LOC400499: variants seen among roughly 807,000 people sequenced by gnomAD.
At chr16:11,415,599 G>A in the LOC400499 span, among the ~76,000 whole-genome samples, 1 of 152,158 alleles carries the variant, frequency 6.6e-6, no homozygotes, top group Non-Finnish European at 1.5e-5. Flanking sequence ...TACATGCAGG[G>A]CACAAGGAGA....
the LOC400499 span, among the ~76,000 whole-genome samples, chr16:11,516,648 C>T: frequency 6.6e-6 from 1 of 152,212 alleles, no homozygotes; most frequent in African/African-American, 2.4e-5. Flanking sequence ...GGATGTGCCA[C>T]CCCAAAATAT....
the LOC400499 span, among the ~76,000 whole-genome samples, chr16:11,516,697 G>A: frequency 4.6e-5 from 7 of 152,130 alleles, no homozygotes; most frequent in African/African-American, 9.7e-5. Context: ...GACCAGTCTC[G>A]CTCTGTTGCC....
chr16:11,504,539 G>C, the LOC400499 span, among the ~76,000 whole-genome samples: 1 of 151,676 alleles, frequency 6.6e-6, no homozygotes, highest in Non-Finnish European at 1.5e-5. Flanking sequence ...CTGAGCAACA[G>C]AGCGAGACTC....
the LOC400499 span, among the ~76,000 whole-genome samples, chr16:11,483,638 G>T: frequency 5.3e-5 from 8 of 151,812 alleles, no homozygotes; most frequent in African/African-American, 1.9e-4. Context: ...GGCCAAGGCA[G>T]GAGGATTACT....
At chr16:11,515,911 GCCTA>G in the LOC400499 span, 1 of 189,514 alleles carries the variant, frequency 5.3e-6, no homozygotes, top group Non-Finnish European at 8.7e-6. Flanking sequence ...GCCCAGCCCA[GCCTA>G]GCCCAGCACT....
chr16:11,504,407 T>C, the LOC400499 span, among the ~76,000 whole-genome samples: 2 of 151,588 alleles, frequency 1.3e-5, no homozygotes, highest in Non-Finnish European at 2.9e-5. Context: ...AATACAAAAA[T>C]TAGCCAGGCG....
chr16:11,409,222 C>T, the LOC400499 span, among the ~76,000 whole-genome samples: 1 of 151,824 alleles, frequency 6.6e-6, no homozygotes, highest in Non-Finnish European at 1.5e-5. Context: ...GATCACGCCT[C>T]TGCACTCCAG....
the LOC400499 span, chr16:11,501,999 A>T: frequency 2.5e-6 from 1 of 398,074 alleles, no homozygotes; most frequent in Non-Finnish European, 4.4e-6. Flanking sequence ...GGAACCCAGG[A>T]CAGCACGAAG....
At chr16:11,493,320 A>C in the LOC400499 span, among the ~76,000 whole-genome samples, 4 of 152,234 alleles carry the variant, frequency 2.6e-5, no homozygotes, top group African/African-American at 7.2e-5. Context: ...GTGAGTGGGC[A>C]TGCCTGTGTT....
chr16:11,392,337 C>G, the LOC400499 span: 1 of 399,038 alleles, frequency 2.5e-6, no homozygotes. Flanking sequence ...CCCAGCAGGC[C>G]CCCCTGGCAG....
chr16:11,429,254 T>G, the LOC400499 span, among the ~76,000 whole-genome samples: 2 of 152,068 alleles, frequency 1.3e-5, no homozygotes, highest in Non-Finnish European at 2.9e-5. Flanking sequence ...CTGTTTAACG[T>G]GTGTAGCAGC....
chr16:11,484,876 T>C, the LOC400499 span: 1 of 399,140 alleles, frequency 2.5e-6, no homozygotes, highest in Non-Finnish European at 4.4e-6. Context: ...CCACCTCCCT[T>C]ACCTTCTGCT....
At chr16:11,440,918 G>T in the LOC400499 span, 1 of 399,080 alleles carries the variant, frequency 2.5e-6, no homozygotes, top group Non-Finnish European at 4.4e-6. Context: ...ACCAGTGTCT[G>T]CCCAATCTGG....
chr16:11,454,313 C>T, the LOC400499 span, among the ~76,000 whole-genome samples: 7 of 152,182 alleles, frequency 4.6e-5, no homozygotes, highest in Non-Finnish European at 7.3e-5. Context: ...AACTTGTGTT[C>T]CCCCAAAAGA....
At chr16:11,390,273 AC>A in the LOC400499 span, 1 of 1,232,602 alleles carries the variant, frequency 8.1e-7, no homozygotes, top group African/African-American at 1.6e-5. Flanking sequence ...ATCCTTGCTC[AC>A]TCACCAGCTC....
the LOC400499 span, among the ~76,000 whole-genome samples, chr16:11,395,553 C>T: frequency 6.6e-6 from 1 of 152,310 alleles, no homozygotes; most frequent in African/African-American, 2.4e-5. Flanking sequence ...GCCACGGCTG[C>T]TGAACTCTCA....
At chr16:11,404,764 C>T in the LOC400499 span, 1 of 399,058 alleles carries the variant, frequency 2.5e-6, no homozygotes, top group Middle Eastern at 6.3e-4. Context: ...CCGGTGAGGG[C>T]CACCTCCTGG....
the LOC400499 span, among the ~76,000 whole-genome samples, chr16:11,420,677 G>C: frequency 7.0e-6 from 1 of 142,714 alleles, no homozygotes; most frequent in Non-Finnish European, 1.5e-5. Flanking sequence ...AGCTACCCAG[G>C]CATGAAGGAG....
the LOC400499 span, chr16:11,384,278 C>T: frequency 5.7e-6 from 7 of 1,232,328 alleles, no homozygotes; most frequent in Admixed American, 4.2e-5. Flanking sequence ...AACATCAGCT[C>T]ATTGCCTGCT....
Sources: allele counts gnomAD v4.1 joint callset (sites outside exome capture counted in the v4.1 genomes callset), GRCh38; gene constraint gnomAD v4.1.1; transcripts MANE v1.5.